Variants in BNC2 observed in about 807,000 individuals in gnomAD.
BNC2 encodes the protein zinc finger protein basonuclin-2.
In BNC2, 20 loss-of-function variants were observed where a neutral mutation model predicts 76.3. The observed-to-expected ratio is 0.26, with a 90% CI of 0.18 to 0.38. BNC2 has a LOEUF of 0.38. Among genes scored for constraint, BNC2 ranks in the 10% least tolerant of loss-of-function variants. The pLI, the probability that BNC2 is intolerant of heterozygous loss-of-function variation, is 1.00. For synonymous variants in BNC2, 582 were observed against 514.8 expected (o/e 1.13, Z -1.77); for missense variants, 1,382 against 1,399.8 (o/e 0.99, Z 0.20).
At chr9:16,677,578 A>AACACACACAG (rs1554706098) in intron 3 of BNC2, among the ~76,000 whole-genome samples, 1 of 139,256 alleles carries the variant, frequency 7.2e-6, no homozygotes, top group South Asian at 2.4e-4. Flanking sequence ...GTCTCAAACA[A>AACACACACAG]ACACACACAC....
chr9:16,839,047 A>AGC (rs1818769071), intron 1 of BNC2, among the ~76,000 whole-genome samples: 3 of 152,224 alleles, frequency 2.0e-5, no homozygotes, highest in Non-Finnish European at 4.4e-5. Flanking sequence ...TTAGCTCTTA[A>AGC]TAATTCCTCC....
intron 6 of BNC2, among the ~76,000 whole-genome samples, chr9:16,426,744 T>C (rs980465518): frequency 3.9e-5 from 6 of 152,184 alleles, no homozygotes; most frequent in African/African-American, 1.4e-4. Flanking sequence ...GTTTTAATAT[T>C]TAGAAACGGA....
chr9:16,694,658 T>C (rs376795915), intron 3 of BNC2, among the ~76,000 whole-genome samples: 19 of 152,310 alleles, frequency 1.2e-4, no homozygotes, highest in African/African-American at 4.1e-4. Context: ...ACGGTTTTCT[T>C]TGCATGCAAA....
chr9:16,651,328 T>C (rs1406358514), intron 3 of BNC2, among the ~76,000 whole-genome samples: 3 of 152,204 alleles, frequency 2.0e-5, no homozygotes, highest in African/African-American at 7.2e-5. Context: ...AAGCCTATCA[T>C]CTTAACCTTA....
At chr9:16,557,603 T>A (rs944848551) in intron 4 of BNC2, among the ~76,000 whole-genome samples, 42 of 152,008 alleles carry the variant, frequency 2.8e-4, no homozygotes, top group Admixed American at 6.6e-5. Context: ...GCTGGAGTAA[T>A]CATGGGTCAG....
Position 16,538,531 on chromosome 9 carries a change from T to C in BNC2, c.669+13999A>G, listed in dbSNP as rs545481116. On this transcript the variant is annotated intron_variant, in intron 5 of 6. Transcript: ENST00000380672. Reference sequence around the variant, plus strand: ...TGATGGGGCTAAAAATGATCATCTTTGATTTCTCACTAAAAGGAAATTTTA... The same window carrying C: ...TGATGGGGCTAAAAATGATCATCTTCGATTTCTCACTAAAAGGAAATTTTA... 2.0e-5 allele frequency among the ~76,000 whole-genome samples: 3 copies of C among 152,324 alleles called. No individual in the cohort carries two copies. In the South Asian group the frequency reaches 6.2e-4, roughly 32 times the overall value.
intron 5 of BNC2, among the ~76,000 whole-genome samples, chr9:16,550,491 A>T (rs1818625353): frequency 6.6e-6 from 1 of 152,250 alleles, no homozygotes; most frequent in Non-Finnish European, 1.5e-5. Flanking sequence ...AAGTAAAATA[A>T]AAAACAGGCA....
At chr9:16,711,703 A>G (rs150484000) in intron 3 of BNC2, among the ~76,000 whole-genome samples, 95 of 152,312 alleles carry the variant, frequency 6.2e-4, no homozygotes, top group Middle Eastern at 3.4e-3. Flanking sequence ...CACTGATTTC[A>G]TTCTATTATT....
At chr9:16,504,189 C>T (rs1163481574) in intron 5 of BNC2, among the ~76,000 whole-genome samples, 1 of 151,364 alleles carries the variant, frequency 6.6e-6, no homozygotes, top group African/African-American at 2.4e-5. Context: ...TGTGAAAATG[C>T]TTATAAAGAT....
At chr9:16,430,866 G>T (rs1304243846) in intron 6 of BNC2, among the ~76,000 whole-genome samples, 1 of 152,140 alleles carries the variant, frequency 6.6e-6, no homozygotes, top group Non-Finnish European at 1.5e-5. Context: ...GCAATCGAAT[G>T]GAAGGTTCAC....
chr9:16,691,746 T>A (rs1320335607), intron 3 of BNC2, among the ~76,000 whole-genome samples: 1 of 151,456 alleles, frequency 6.6e-6, no homozygotes, highest in East Asian at 1.9e-4. Flanking sequence ...CCTGACCTCA[T>A]GATATGCCCG....
At chr9:16,805,376 G>C (rs377149901) in intron 1 of BNC2, among the ~76,000 whole-genome samples, 5 of 151,942 alleles carry the variant, frequency 3.3e-5, no homozygotes, top group African/African-American at 1.2e-4. Context: ...CCCCAGGCTG[G>C]AGTACAATGG....
Position 16,655,088 on chromosome 9 carries a change from C to CAG in BNC2, c.331-72004_331-72003insCT, listed in dbSNP as rs1563882206. 2.0e-5 allele frequency among the ~76,000 whole-genome samples: 3 copies of CAG among 151,764 alleles called. No homozygotes were observed. The East Asian group carries it at 5.8e-4, about 29-fold the overall frequency. The stretch of plus-strand genomic sequence containing the variant: ...GATTAAAAGGGGTCTCACTCACATA[C>CAG]ACCTCTGCAGACAGACTAGGCCACG... On this transcript the variant is annotated intron_variant, in intron 3 of 6. Coordinates refer to ENST00000380672, the MANE Select transcript of BNC2 (RefSeq NM_017637.6).
At chr9:16,431,785 C>T (rs548232402) in intron 6 of BNC2, among the ~76,000 whole-genome samples, 5 of 152,272 alleles carry the variant, frequency 3.3e-5, no homozygotes, top group East Asian at 1.9e-4. Context: ...GATTCAGGCA[C>T]GTTACATTTA....
intron 3 of BNC2, among the ~76,000 whole-genome samples, chr9:16,648,766 G>C (rs1821710252): frequency 6.6e-6 from 1 of 152,136 alleles, no homozygotes; most frequent in South Asian, 2.1e-4. Context: ...TTCCACATTA[G>C]ACAATCTTGC....
chr9:16,835,685 G>A (rs373153678), intron 1 of BNC2, among the ~76,000 whole-genome samples: 65 of 152,282 alleles, frequency 4.3e-4, no homozygotes, highest in African/African-American at 1.5e-3. Context: ...CTGGGCAACA[G>A]AGCAAGACTC....
chr9:16,532,110 G>A (rs1009716172), intron 5 of BNC2, among the ~76,000 whole-genome samples: 1 of 151,038 alleles, frequency 6.6e-6, no homozygotes, highest in Non-Finnish European at 1.5e-5. Context: ...ATCCTGTTGA[G>A]TAAAACTATT....
At chr9:16,481,794 T>C (rs1822063285) in intron 5 of BNC2, among the ~76,000 whole-genome samples, 1 of 152,254 alleles carries the variant, frequency 6.6e-6, no homozygotes, top group Admixed American at 6.5e-5. Context: ...AGTACAGATC[T>C]ACACTGAGAA....
intron 3 of BNC2, among the ~76,000 whole-genome samples, chr9:16,666,391 C>G (rs948612431): frequency 1.3e-5 from 2 of 152,130 alleles, no homozygotes; most frequent in African/African-American, 4.8e-5. Context: ...TGGTTTTTCT[C>G]AACATCATGA....
Sources: gnomAD v4.1 joint callset for allele counts (sites outside exome capture counted in the v4.1 genomes callset) on GRCh38, gnomAD v4.1.1 for gene constraint, MANE v1.5 for transcripts, NCBI Gene and HGNC (gene_info 2026-07-23, HGNC 2026-07-21) for gene names.